The following SLC23A2 variants were observed in gnomAD, a reference collection of about 807,000 sequenced individuals.
The protein encoded by SLC23A2 is Na(+)/L-ascorbic acid transporter 2.
SLC23A2 carries 36 observed loss-of-function variants against 73.3 expected under a neutral mutation model. The ratio of observed to expected loss-of-function variants is 0.49; its 90% CI spans 0.38 to 0.65. The LOEUF (loss-of-function observed/expected upper bound fraction) is 0.65, where lower values mean the gene tolerates loss of function less well. Ranked by LOEUF, SLC23A2 falls within the 30% of genes least tolerant of loss-of-function variation. The pLI is 0.00. For missense variants in SLC23A2, 507 were observed against 841.6 expected, an observed-to-expected ratio of 0.60 and a Z score of 4.92; for synonymous variants, 343 against 327.3, an observed-to-expected ratio of 1.05 and a Z score of -0.52.
intron 2 of SLC23A2, among the ~76,000 whole-genome samples, chr20:4,963,960 T>C (rs1052216606): frequency 7.9e-5 from 12 of 152,130 alleles, no homozygotes; most frequent in African/African-American, 2.9e-4. Context: ...CCCGTTAACA[T>C]GCAAGCACTT....
intron 2 of SLC23A2, among the ~76,000 whole-genome samples, chr20:4,956,794 CCTCTT>C (rs1440863289): frequency 6.7e-6 from 1 of 150,082 alleles, no homozygotes; most frequent in Non-Finnish European, 1.5e-5. Context: ...CTCTCCCTTC[CCTCTT>C]CTTTTTTTTT....
chr20:4,895,251 A>G (rs892234816), intron 6 of SLC23A2, among the ~76,000 whole-genome samples: 1 of 152,188 alleles, frequency 6.6e-6, no homozygotes, highest in Non-Finnish European at 1.5e-5. Context: ...AACCCAAAAA[A>G]GCCCACAGAG....
Position 5,000,213 on chromosome 20 carries a change from G to C in SLC23A2, c.-282+1193C>G, listed in dbSNP as rs34747363. On this transcript the variant is annotated intron_variant, in intron 1 of 16. Transcript: ENST00000338244. ...CTCACCAGGTTCAAACACCTTCAGG[G>C]GAGGCAGGCAACGTCACCTGCAACG... is the stretch of plus-strand genomic sequence containing the variant. 9.5e-3 allele frequency among the ~76,000 whole-genome samples: 1,450 copies of C among 152,204 alleles called. 8 individuals carry two copies. Among genetic ancestry groups the C allele is most frequent in the Non-Finnish European group, 0.015 (987 of 68,036 alleles).
chr20:4,900,106 A>G (rs1931690852), intron 5 of SLC23A2, among the ~76,000 whole-genome samples: 1 of 152,140 alleles, frequency 6.6e-6, no homozygotes, highest in South Asian at 2.1e-4. Context: ...CCTGGGCTCA[A>G]GCGATCCGCC....
Position 4,941,865 on chromosome 20 carries a change from G to C in SLC23A2, c.-154-9149C>G, listed in dbSNP as rs143103205. ...TAAAAGCAATATATATAATGAAAAA[G>C]ATAGTATGTACAGCATTAACCCACT... On this transcript the variant is annotated intron_variant, in intron 2 of 16. Coordinates refer to ENST00000338244, the MANE Select transcript of SLC23A2 (RefSeq NM_005116.6). 1.6e-3 allele frequency among the ~76,000 whole-genome samples: 240 copies of C among 152,288 alleles called. 2 individuals carry two copies. The highest frequency in any genetic ancestry group is 5.5e-3 in the African/African-American group (227 of 41,550).
intron 2 of SLC23A2, among the ~76,000 whole-genome samples, chr20:4,957,482 A>G (rs1175838789): frequency 6.6e-6 from 1 of 151,856 alleles, no homozygotes; most frequent in African/African-American, 2.4e-5. Context: ...TAAAAATAAG[A>G]ATCAATACTC....
At chr20:4,859,102 G>A (rs575842075) in intron 16 of SLC23A2, among the ~76,000 whole-genome samples, 187 bp downstream of exon 16, 4 of 152,296 alleles carry the variant, frequency 2.6e-5, no homozygotes, top group Middle Eastern at 3.4e-3. Context: ...ATCAGTTTAT[G>A]TAGCAAAAAA....
intron 2 of SLC23A2, among the ~76,000 whole-genome samples, chr20:4,949,909 T>C (rs2087173525): frequency 1.3e-5 from 2 of 152,220 alleles, no homozygotes; most frequent in Admixed American, 1.3e-4. Context: ...CCACCACTTC[T>C]GTGCCGGTGT....
chr20:4,856,660 A>C lies in SLC23A2; in HGVS notation c.*312T>G. On this transcript the variant is annotated 3_prime_UTR_variant, in exon 17 of 17. Coordinates refer to ENST00000338244, the MANE Select transcript of SLC23A2 (RefSeq NM_005116.6). This position sits in a 1 kb window ranked among gnomAD's most constrained non-coding sequence, Gnocchi z 4.6. ...AGCCAGCCCTGGGTGGTGGAAGGGA[A>C]CTGAAGCAAGGAATGGCTGCAGATT... 1 of 270,520 alleles carries C rather than the reference A, an allele frequency of 3.7e-6. No homozygotes were observed. Among genetic ancestry groups the C allele is most frequent in the Non-Finnish European group, 7.0e-6 (1 of 141,908 alleles). The allele number at this position is 270,520 out of a possible 1,614,324, so 16.8% of individuals were successfully genotyped here. A position where few individuals can be genotyped will look rare whatever the true frequency, so the allele number is the denominator to read the frequency against.
intron 2 of SLC23A2, among the ~76,000 whole-genome samples, chr20:4,955,081 TA>T (rs372519088): frequency 1.7e-4 from 25 of 150,524 alleles, no homozygotes; most frequent in South Asian, 2.1e-4. Flanking sequence ...ACTCTCTATT[TA>T]AAAAAAAAAT....
chr20:4,884,758 G>A lies in SLC23A2; in HGVS notation c.637C>T (p.Arg213Ter). 1 of 1,607,944 alleles carries A rather than the reference G, an allele frequency of 6.2e-7. No homozygotes were observed. The highest frequency in any genetic ancestry group is 8.5e-7 in the Non-Finnish European group (1 of 1,175,302). The change falls in exon 8 of 17, where the codon CGA becomes TGA. Residue 213 changes from arginine to a stop codon, truncating the protein, a stop_gained. Coordinates refer to ENST00000338244, the MANE Select transcript of SLC23A2 (RefSeq NM_005116.6). LOFTEE classifies it high-confidence loss of function. ...AGACAACGCTTGTCTTTTACCTCTC[G>A]GATCCGGGGATACCAGATGTGTTCT... ...HTEHIWYPRI[R>*]EIQGAIIMSS...
In SLC23A2 at chr20:4,998,977, G is replaced by A. The variant is rs1044094431; in HGVS notation, c.-282+2429C>T. 1.3e-5 allele frequency among the ~76,000 whole-genome samples: 2 copies of A among 151,926 alleles called. No homozygotes were observed. The highest frequency in any genetic ancestry group is 4.8e-5 in the African/African-American group (2 of 41,372). Reference sequence around the variant, plus strand: ...GCGCCACCATGCCCGGCTAACTTTTGTATTTTTAGTAGAGACGAGGTTTCA... The same window carrying A: ...GCGCCACCATGCCCGGCTAACTTTTATATTTTTAGTAGAGACGAGGTTTCA... On this transcript the variant is annotated intron_variant, in intron 1 of 16. Transcript: ENST00000338244. This position sits in a 1 kb window ranked among gnomAD's most constrained non-coding sequence, Gnocchi z 4.1.
In SLC23A2 at chr20:4,857,728, C is replaced by T. The variant is rs970041543; in HGVS notation, c.1721-524G>A. ...AGAGGATCACATGAAGTCAGGAGTT[C>T]GAGACCAGCCTAGCCAACATGGTGA... On this transcript the variant is annotated intron_variant, in intron 16 of 16. Transcript: ENST00000338244. The surrounding 1 kb of genome is among the most constrained non-coding windows in gnomAD (Gnocchi z 4.0). 6.6e-5 allele frequency among the ~76,000 whole-genome samples: 10 copies of T among 152,008 alleles called. No homozygotes were observed. Among genetic ancestry groups the T allele is most frequent in the African/African-American group, 1.9e-4 (8 of 41,374 alleles).
chr20:4,932,157 T>C (rs1449077646), intron 3 of SLC23A2, among the ~76,000 whole-genome samples: 6 of 152,176 alleles, frequency 3.9e-5, no homozygotes, highest in Non-Finnish European at 8.8e-5. Flanking sequence ...AGTACACCTT[T>C]TGAAGATAAA....
Position 4,883,649 on chromosome 20 carries a change from C to A in SLC23A2, c.817G>T (p.Ala273Ser). 6.2e-7 allele frequency: 1 copy of A among 1,608,866 alleles called. No homozygotes were observed. The highest frequency in any genetic ancestry group is 8.5e-7 in the Non-Finnish European group (1 of 1,177,286). The change falls in exon 9 of 17, where the codon GCC becomes TCC. Residue 273 changes from alanine (A) to serine (S), a missense_variant. Transcript: ENST00000338244. The surrounding 1 kb of genome is among the most constrained non-coding windows in gnomAD (Gnocchi z 4.5). ...GGAGATGTTTCCACTTACAGCATGGCAATGCCCCAGTGCTTCCCGGCTCTC... is the reference window on the plus strand; with the variant it reads ...GGAGATGTTTCCACTTACAGCATGGAAATGCCCCAGTGCTTCCCGGCTCTC... ...GERAGKHWGI[A>S]MLTIFLVLLF...
chr20:4,983,826 C>T (rs1416962284), intron 1 of SLC23A2, among the ~76,000 whole-genome samples: 1 of 149,188 alleles, frequency 6.7e-6, no homozygotes, highest in East Asian at 2.0e-4. Context: ...CGTGGTGGTG[C>T]ATGCCTGTAA....
At position 4,872,515 on chromosome 20, in the gene SLC23A2, G is replaced by A. The variant is rs1188700712; in HGVS notation, c.1102+1421C>T. ...CAGCCCAGCTTGTGCCCCTACTGGC[G>A]CCCACCTTGGGAGTTGCCTGCACAA... On this transcript the variant is annotated intron_variant, in intron 11 of 16. Transcript: ENST00000338244. The surrounding 1 kb of genome is among the most constrained non-coding windows in gnomAD (Gnocchi z 4.4). Among the ~76,000 whole-genome samples the A allele has an allele frequency of 2.0e-5, 3 of 152,018 alleles. No individual in the cohort carries two copies. Among genetic ancestry groups the A allele is most frequent in the African/African-American group, 7.3e-5 (3 of 41,378 alleles).
chr20:4,920,775 G>C (rs1228571539), intron 3 of SLC23A2, among the ~76,000 whole-genome samples: 1 of 152,136 alleles, frequency 6.6e-6, no homozygotes, highest in East Asian at 1.9e-4. Flanking sequence ...AACAGAGACA[G>C]AGTAAACATC....
intron 10 of SLC23A2, 102 bp downstream of exon 10, chr20:4,874,471 TATG>T (rs1470224872): frequency 5.1e-5 from 54 of 1,052,678 alleles, no homozygotes; most frequent in Non-Finnish European, 7.3e-5. Flanking sequence ...ACTGCACAGA[TATG>T]ATCCCCCAAG....
Sources: allele counts gnomAD v4.1 joint callset (sites outside exome capture counted in the v4.1 genomes callset), GRCh38; gene constraint gnomAD v4.1.1; non-coding constraint Gnocchi (gnomAD v3.1); transcripts MANE v1.5; gene names NCBI Gene and HGNC (gene_info 2026-07-23, HGNC 2026-07-21).